Variants in MED14 observed in about 807,000 individuals in gnomAD.
The protein encoded by MED14 is mediator of RNA polymerase II transcription subunit 14.
Under a neutral mutation model 109.0 loss-of-function variants are expected in MED14, and 8 were observed. The observed-to-expected ratio is 0.07, with a 90% confidence interval of 0.04 to 0.13. MED14 has a LOEUF of 0.13. MED14 is among the 10% of genes least tolerant of loss of function. The pLI, the probability that MED14 is intolerant of heterozygous loss-of-function variation, is 1.00. For missense variants in MED14, 711 were observed against 1,142.4 expected (o/e 0.62, Z 5.44); for synonymous variants, 399 against 408.7 (o/e 0.98, Z 0.29).
chrX:40,667,153 C>T (rs748811048), intron 23 of MED14, among the ~76,000 whole-genome samples: 4 of 111,764 alleles, frequency 3.6e-5, no homozygotes, highest in African/African-American at 1.3e-4. Context: ...CTGTTTCAGG[C>T]ATTGGGGATG....
At chrX:40,693,019 A>T (rs1174239261) in intron 13 of MED14, 117 bp from the exon 14 acceptor site, 1 of 521,531 alleles carries the variant, frequency 1.9e-6, no homozygotes, top group Non-Finnish European at 2.8e-6. Flanking sequence ...CTTAAAAAAA[A>T]AAAAGGTTAA....
intron 13 of MED14, among the ~76,000 whole-genome samples, chrX:40,696,422 A>G (rs1247675394): frequency 2.7e-5 from 3 of 111,112 alleles, no homozygotes; most frequent in Non-Finnish European, 5.7e-5. Context: ...TACAGGTGTG[A>G]GCCACCGTGC....
Position 40,682,645 on chromosome X carries a change from G to T in MED14, c.2323C>A (p.Arg775=). The change falls in exon 18 of 31, where the codon CGA becomes AGA. Residue 775 remains arginine, a synonymous_variant. Transcript: ENST00000324817. ...MFLNDWNSIA[R]LYECVLEFAR... ...AATTCCAACACACACTCATATAATC[G>T]TGCAATGCTATTCCAGTCATTAAGA... 8.4e-7 allele frequency: 1 copy of T among 1,193,579 alleles called. No individual in the cohort carries two copies. The highest frequency in any genetic ancestry group is 1.1e-6 in the Non-Finnish European group (1 of 885,243).
chrX:40,657,442 A>T (rs951816112), intron 28 of MED14, among the ~76,000 whole-genome samples: 2 of 111,250 alleles, frequency 1.8e-5, no homozygotes, highest in African/African-American at 6.5e-5. Flanking sequence ...AGGTTGCAGT[A>T]GCTAAGGAAT....
At position 40,732,741 on chromosome X, in the gene MED14, C is replaced by A. The variant is rs776266873; in HGVS notation, c.215+2457G>T. ...CTGCAGTGAGCATGACTGTGCCACACTGCACTCCAGCCTGGGCAACAGAGT... is the reference window on the plus strand; with the variant it reads ...CTGCAGTGAGCATGACTGTGCCACAATGCACTCCAGCCTGGGCAACAGAGT... On this transcript the variant is annotated intron_variant, in intron 1 of 30. Coordinates refer to ENST00000324817, the MANE Select transcript of MED14 (RefSeq NM_004229.4). 2.0e-4 allele frequency among the ~76,000 whole-genome samples: 22 copies of A among 111,111 alleles called. No individual in the cohort carries two copies. In the East Asian group the frequency reaches 6.2e-3, roughly 31 times the overall value.
chrX:40,672,680 G>A lies in MED14; in HGVS notation c.3022-708C>T, dbSNP rs144209503. On this transcript the variant is annotated intron_variant, in intron 22 of 30. Coordinates refer to ENST00000324817, the MANE Select transcript of MED14 (RefSeq NM_004229.4). ...GCAAATAATGTTTGAATACCTTTTC[G>A]GTGCTTATTGGCCACTTGGACATCC... is the stretch of plus-strand genomic sequence containing the variant. Among the ~76,000 whole-genome samples, 20 of 110,517 alleles carry A rather than the reference G, an allele frequency of 1.8e-4. No homozygotes were observed. In the East Asian group the frequency reaches 4.5e-3, roughly 25 times the overall value.
chrX:40,679,934 C>T lies in MED14; in HGVS notation c.2810G>A (p.Arg937Gln). ...ATCAAAAAGACTATAGGCACCATCC[C>T]GTATTGCCACAACACCTCGACTCCG... ...YCRSRGVVAI[R>Q]DGAYSLFDNS... Residue 937 changes from arginine to glutamine, a missense_variant, in exon 21 of 31, where the codon CGG (arginine) becomes CAG (glutamine). Arg to Gln is a conservative substitution (Grantham distance 43). Transcript: ENST00000324817. 1.7e-6 allele frequency: 2 copies of T among 1,209,774 alleles called. No homozygotes were observed. Among genetic ancestry groups the T allele is most frequent in the Non-Finnish European group, 2.2e-6 (2 of 893,713 alleles).
chrX:40,734,316 T>G (rs762546949), intron 1 of MED14, among the ~76,000 whole-genome samples: 1 of 112,415 alleles, frequency 8.9e-6, no homozygotes, highest in African/African-American at 3.2e-5. Flanking sequence ...TTACAGGAGT[T>G]AAGTAGAGCC....
intron 3 of MED14, among the ~76,000 whole-genome samples, chrX:40,715,610 C>A (rs1931484164): frequency 9.2e-6 from 1 of 108,259 alleles, no homozygotes. Context: ...CATGATGAAA[C>A]CCTGTCTCTA....
At chrX:40,655,806 C>G (rs1929035299) in intron 28 of MED14, among the ~76,000 whole-genome samples, 1 of 111,075 alleles carries the variant, frequency 9.0e-6, no homozygotes, top group Non-Finnish European at 1.9e-5. Context: ...ACTGTTGCCC[C>G]AATATTTATA....
Position 40,691,004 on chromosome X carries a change from A to G in MED14, c.1980+1179T>C, listed in dbSNP as rs147469529. 3.1e-3 allele frequency among the ~76,000 whole-genome samples: 353 copies of G among 112,289 alleles called. 5 individuals carry two copies. Among genetic ancestry groups the G allele is most frequent in the African/African-American group, 0.01 (323 of 30,926 alleles). On this transcript the variant is annotated intron_variant, in intron 15 of 30. Coordinates refer to ENST00000324817, the MANE Select transcript of MED14 (RefSeq NM_004229.4). ...TTTCCAGGTCTCTCCTTCATTCACA[A>G]TAACTTACAGAGGAGGGGATTCTTA...
At chrX:40,695,965 G>T (rs907243775) in intron 13 of MED14, among the ~76,000 whole-genome samples, 1 of 110,942 alleles carries the variant, frequency 9.0e-6, no homozygotes, top group Non-Finnish European at 1.9e-5. Context: ...AAGCGACGAG[G>T]TCTCACTATA....
At chrX:40,672,069 A>T in intron 22 of MED14, 97 bp from the exon 23 acceptor site, 1 of 455,619 alleles carries the variant, frequency 2.2e-6, no homozygotes, top group Non-Finnish European at 3.8e-6. Flanking sequence ...TAATATTTAC[A>T]CACTTTGCTG....
chrX:40,730,676 C>A (rs893421447), intron 1 of MED14, among the ~76,000 whole-genome samples: 1 of 111,375 alleles, frequency 9.0e-6, no homozygotes, highest in Non-Finnish European at 1.9e-5. Flanking sequence ...TCCTCCTAAT[C>A]TATTTGAAAT....
intron 26 of MED14, among the ~76,000 whole-genome samples, chrX:40,660,193 T>C (rs986867240): frequency 5.4e-5 from 6 of 111,711 alleles, no homozygotes; most frequent in Admixed American, 1.9e-4. Context: ...ATGCAAGAAA[T>C]TATGTCTGAG....
chrX:40,723,738 C>G (rs1182825128), intron 3 of MED14, among the ~76,000 whole-genome samples: 1 of 103,359 alleles, frequency 9.7e-6, no homozygotes, highest in Non-Finnish European at 2.0e-5. Context: ...TACATCATGT[C>G]ACCAGAGAAA....
intron 19 of MED14, among the ~76,000 whole-genome samples, 194 bp from the exon 20 acceptor site, chrX:40,681,104 T>C (rs906438801): frequency 1.8e-5 from 2 of 112,632 alleles, no homozygotes; most frequent in African/African-American, 3.2e-5. Context: ...TCCCTGACCA[T>C]GTGTTAGTCC....
At chrX:40,715,679 G>C (rs1412540877) in intron 3 of MED14, among the ~76,000 whole-genome samples, 1 of 107,765 alleles carries the variant, frequency 9.3e-6, no homozygotes, top group African/African-American at 3.4e-5. Context: ...CCAGCTACTC[G>C]GGAGGCTGAG....
At chrX:40,676,164 G>A (rs945378430) in intron 21 of MED14, among the ~76,000 whole-genome samples, 1 of 111,580 alleles carries the variant, frequency 9.0e-6, no homozygotes, top group Non-Finnish European at 1.9e-5. Flanking sequence ...CACACCTGTG[G>A]ATCCAGCTAC....
Sources: allele counts gnomAD v4.1 joint callset (sites outside exome capture counted in the v4.1 genomes callset), GRCh38; gene constraint gnomAD v4.1.1; transcripts MANE v1.5; gene names NCBI Gene and HGNC (gene_info 2026-07-23, HGNC 2026-07-21).